Variants in IL1RAPL2 observed in about 807,000 individuals in gnomAD.
The protein encoded by IL1RAPL2 is interleukin 1 receptor accessory protein like 2.
A neutral mutation model predicts 44.1 loss-of-function variants in IL1RAPL2; 3 were observed. The observed-to-expected ratio is 0.07, with a 90% CI of 0.03 to 0.18. The LOEUF (loss-of-function observed/expected upper bound fraction) is 0.18. Among genes scored for constraint, IL1RAPL2 ranks in the 10% least tolerant of loss-of-function variants. IL1RAPL2 has a pLI of 1.00. For missense variants in IL1RAPL2, 391 were observed against 496.4 expected (o/e 0.79, Z 2.02); for synonymous variants, 181 against 178.8 (o/e 1.01, Z -0.10).
intron 2 of IL1RAPL2, among the ~76,000 whole-genome samples, chrX:104,881,268 A>G (rs1027993400): frequency 4.5e-5 from 5 of 111,735 alleles, no homozygotes; most frequent in Non-Finnish European, 7.5e-5. Context: ...GTTCTTTGCT[A>G]GTGAACATGG....
chrX:104,611,411 C>T (rs1371059402), intron 1 of IL1RAPL2, among the ~76,000 whole-genome samples: 1 of 111,145 alleles, frequency 9.0e-6, no homozygotes, highest in Non-Finnish European at 1.9e-5. Flanking sequence ...GGGCTCTTCC[C>T]TGCTTGAACT....
At chrX:104,695,245 T>A (rs1931158451) in intron 2 of IL1RAPL2, among the ~76,000 whole-genome samples, 1 of 111,922 alleles carries the variant, frequency 8.9e-6, no homozygotes, top group African/African-American at 3.2e-5. Context: ...GAAGAAAGTC[T>A]TCTATTCTTT....
At chrX:105,059,814 G>T (rs1209468808) in intron 2 of IL1RAPL2, among the ~76,000 whole-genome samples, 1 of 111,999 alleles carries the variant, frequency 8.9e-6, no homozygotes, top group East Asian at 2.8e-4. Flanking sequence ...CAGGTGTGAG[G>T]CACCGTGCCC....
chrX:105,612,543 C>A lies in IL1RAPL2; in HGVS notation c.773-104824C>A, dbSNP rs751547838. Among the ~76,000 whole-genome samples, 3 of 112,311 alleles carry A rather than the reference C, an allele frequency of 2.7e-5. No individual in the cohort carries two copies. The East Asian group carries it at 8.4e-4, about 32-fold the overall frequency. On this transcript the variant is annotated intron_variant, in intron 6 of 10. Transcript: ENST00000372582. ...ACAGAAAAAGCACCTTCATAAAAAA[C>A]AAAAATCAAGTGAGTACTTACAGTA... is the stretch of plus-strand genomic sequence containing the variant.
At chrX:105,146,857 G>T (rs1479076996) in intron 2 of IL1RAPL2, among the ~76,000 whole-genome samples, 5 of 111,967 alleles carry the variant, frequency 4.5e-5, no homozygotes, top group African/African-American at 1.6e-4. Context: ...TCATTACATA[G>T]AAGCTACATT....
At chrX:104,884,355 G>T (rs1294638078) in intron 2 of IL1RAPL2, among the ~76,000 whole-genome samples, 1 of 111,789 alleles carries the variant, frequency 8.9e-6, no homozygotes, top group African/African-American at 3.3e-5. Context: ...GGGTTCTTGG[G>T]CAAGAGGTGT....
intron 3 of IL1RAPL2, among the ~76,000 whole-genome samples, chrX:105,198,697 T>G (rs1351122231): frequency 8.9e-6 from 1 of 112,113 alleles, no homozygotes; most frequent in Non-Finnish European, 1.9e-5. Context: ...CATGTCTCCT[T>G]AAGCACTTCT....
At chrX:104,897,345 T>C (rs922542412) in intron 2 of IL1RAPL2, among the ~76,000 whole-genome samples, 5 of 112,310 alleles carry the variant, frequency 4.5e-5, no homozygotes, top group Non-Finnish European at 7.5e-5. Flanking sequence ...ACATGGTCTT[T>C]GTCGTATCAT....
intron 2 of IL1RAPL2, among the ~76,000 whole-genome samples, chrX:104,705,686 A>C (rs1315777404): frequency 9.0e-6 from 1 of 111,464 alleles, no homozygotes; most frequent in African/African-American, 3.3e-5. Flanking sequence ...GAAACGTTTT[A>C]GTCAGGTTTC....
intron 2 of IL1RAPL2, among the ~76,000 whole-genome samples, chrX:105,020,166 TG>T (rs202146380): frequency 0.038 from 4,163 of 109,438 alleles, 226 homozygotes; most frequent in African/African-American, 0.13. Flanking sequence ...TAGAGATTGG[TG>T]GGGGGGAGGG....
intron 5 of IL1RAPL2, among the ~76,000 whole-genome samples, chrX:105,348,898 A>G (rs2035130957): frequency 8.9e-6 from 1 of 111,812 alleles, no homozygotes; most frequent in African/African-American, 3.3e-5. Flanking sequence ...TGATAGTATC[A>G]GGGAGGCCTG....
intron 5 of IL1RAPL2, among the ~76,000 whole-genome samples, chrX:105,268,953 AT>A (rs2034426868): frequency 9.0e-6 from 1 of 110,857 alleles, no homozygotes; most frequent in Non-Finnish European, 1.9e-5. Context: ...AATATAAACA[AT>A]TAAAAAAGTA....
chrX:104,957,196 G>C (rs1169913964), intron 2 of IL1RAPL2, among the ~76,000 whole-genome samples: 2 of 112,560 alleles, frequency 1.8e-5, no homozygotes, highest in Non-Finnish European at 3.8e-5. Flanking sequence ...AGCCTGAAAT[G>C]GTGTATGCTA....
intron 5 of IL1RAPL2, among the ~76,000 whole-genome samples, chrX:105,417,700 T>C (rs138706188): frequency 1.2e-3 from 136 of 111,870 alleles, no homozygotes; most frequent in Middle Eastern, 4.7e-3. Context: ...AATGAGTAAA[T>C]GGCAGGATGA....
intron 10 of IL1RAPL2, among the ~76,000 whole-genome samples, chrX:105,763,676 A>AAAAC (rs1464658613): frequency 9.1e-6 from 1 of 110,495 alleles, no homozygotes; most frequent in African/African-American, 3.3e-5. Context: ...AAAAGAGAGA[A>AAAAC]AAACAGAGAG....
chrX:105,767,199 G>A lies in IL1RAPL2; in HGVS notation c.1599G>A (p.Leu533=). 8.3e-7 allele frequency: 1 copy of A among 1,210,895 alleles called. No homozygotes were observed. Among genetic ancestry groups the A allele is most frequent in the East Asian group, 3.0e-5 (1 of 33,838 alleles). ...AGCGTAGCATCAAACTTCTGTCCCTGATCAAGTGGAAGGGATCCAAAAGCA... is the reference window on the plus strand; with the variant it reads ...AGCGTAGCATCAAACTTCTGTCCCTAATCAAGTGGAAGGGATCCAAAAGCA... ...SLKRSIKLLS[L]IKWKGSKSSK... Residue 533 remains leucine, a synonymous_variant, in exon 11 of 11, where the codon CTG becomes CTA. Transcript: ENST00000372582.
rs1331958150 is a variant in IL1RAPL2 at position 104,582,731 on chromosome X, C to CTCTT, written c.-20+15680_-20+15681insTCTT. ...TTTATTTCTTTCTTTCTCTCTCTCT[C>CTCTT]CCTTCCTTCCTTCCTTCCTTCTTTC... On this transcript the variant is annotated intron_variant, in intron 1 of 10. Transcript: ENST00000372582. Among the ~76,000 whole-genome samples the CTCTT allele has an allele frequency of 6.9e-3, 530 of 77,004 alleles. 10 individuals carry two copies. Among genetic ancestry groups the CTCTT allele is most frequent in the African/African-American group, 0.028 (510 of 18,302 alleles). The allele number at this position is 77,004 out of a possible 115,157, so 66.9% of individuals were successfully genotyped here.
At chrX:105,434,303 G>A (rs2035866805) in intron 5 of IL1RAPL2, among the ~76,000 whole-genome samples, 1 of 112,089 alleles carries the variant, frequency 8.9e-6, no homozygotes, top group Admixed American at 9.5e-5. Context: ...CAGTGCTCTG[G>A]AAAATGGTTT....
chrX:105,687,161 G>T (rs1170294260), intron 6 of IL1RAPL2, among the ~76,000 whole-genome samples: 1 of 110,271 alleles, frequency 9.1e-6, no homozygotes, highest in African/African-American at 3.3e-5. Flanking sequence ...ACAATCAAAA[G>T]AACTAGAGAA....
Sources: allele counts gnomAD v4.1 joint callset (sites outside exome capture counted in the v4.1 genomes callset), GRCh38; gene constraint gnomAD v4.1.1; transcripts MANE v1.5; gene names NCBI Gene and HGNC (gene_info 2026-07-23, HGNC 2026-07-21).